Variants in CEP112 observed in about 807,000 individuals in gnomAD.
CEP112 encodes centrosomal protein of 112 kDa.
CEP112 carries 127 observed loss-of-function variants against 153.0 expected under a neutral mutation model. That is an observed-to-expected ratio of 0.83 (90% CI 0.72 to 0.96). The LOEUF is 0.96. Among genes scored for constraint, CEP112 ranks in the 40% least tolerant of loss-of-function variants. CEP112 has a pLI of 0.00. For synonymous variants in CEP112, 358 were observed against 374.4 expected, an observed-to-expected ratio of 0.96 and a Z score of 0.51; for missense variants, 1,089 against 1,101.2, an observed-to-expected ratio of 0.99 and a Z score of 0.16.
chr17:66,156,631 CT>C (rs2071452776), intron 4 of CEP112, among the ~76,000 whole-genome samples: 1 of 152,034 alleles, frequency 6.6e-6, no homozygotes, highest in Admixed American at 6.6e-5. Flanking sequence ...AGCTAAGAAT[CT>C]TGAAAAAGGT....
intron 1 of CEP112, 145 bp from the exon 2 acceptor site, chr17:66,183,452 A>C (rs1057161561): frequency 1.1e-4 from 54 of 513,348 alleles, no homozygotes; most frequent in Admixed American, 3.7e-5. Flanking sequence ...TCCCATCAAA[A>C]CCCAGCCGTA....
Position 65,826,407 on chromosome 17 carries a change from T to C in CEP112, c.2394+25397A>G, listed in dbSNP as rs367546613. ...GAAGCCAGTGAGAGCACAGCCTCCC[T>C]CCCCTGATAGAAAGGTGACTTGGGC... On this transcript the variant is annotated intron_variant, in intron 21 of 26. Coordinates refer to ENST00000535342, the MANE Select transcript of CEP112 (RefSeq NM_001199165.4). 1.1e-5 allele frequency: 18 copies of C among 1,573,982 alleles called. No individual in the cohort carries two copies. In the East Asian group the frequency reaches 2.9e-4, roughly 25 times the overall value.
At chr17:65,677,063 T>C (rs947732974) in intron 24 of CEP112, among the ~76,000 whole-genome samples, 4 of 149,432 alleles carry the variant, frequency 2.7e-5, no homozygotes, top group African/African-American at 9.9e-5. Flanking sequence ...AATAAGTTTG[T>C]CAGGGCCAAG....
chr17:65,730,882 T>C (rs1482801129), intron 23 of CEP112, among the ~76,000 whole-genome samples: 2 of 150,460 alleles, frequency 1.3e-5, no homozygotes, highest in Non-Finnish European at 2.9e-5. Context: ...GAAGCATCAA[T>C]GCTGTAAAAT....
intron 18 of CEP112, among the ~76,000 whole-genome samples, chr17:65,942,630 G>A (rs930148124): frequency 6.6e-6 from 1 of 152,174 alleles, no homozygotes; most frequent in African/African-American, 2.4e-5. Flanking sequence ...GCAAGTTCCT[G>A]CCGATAGCAA....
chr17:65,883,960 A>G (rs1401744146), intron 20 of CEP112, among the ~76,000 whole-genome samples: 1 of 152,184 alleles, frequency 6.6e-6, no homozygotes, highest in East Asian at 1.9e-4. Context: ...TTGAGCACTG[A>G]ATGTACGGTA....
chr17:65,981,741 A>AT (rs1227226582), intron 17 of CEP112, among the ~76,000 whole-genome samples: 16 of 152,024 alleles, frequency 1.1e-4, no homozygotes, highest in Admixed American at 1.0e-3. Context: ...TGCCCAGCTA[A>AT]TTTTTGTATT....
chr17:65,741,976 G>A lies in CEP112; in HGVS notation c.2607+1092C>T, dbSNP rs562008390. ...ACAGGTAGGGGAAATAAGCTTGCAG[G>A]TGGAAATACATAGGAAAAATGTCAT... On this transcript the variant is annotated intron_variant, in intron 23 of 26. Transcript: ENST00000535342. Among the ~76,000 whole-genome samples the A allele has an allele frequency of 6.9e-4, 105 of 151,154 alleles. 1 individual carries two copies. Among genetic ancestry groups the A allele is most frequent in the African/African-American group, 2.6e-3 (105 of 41,154 alleles).
chr17:66,066,656 G>T, intron 10 of CEP112, 122 bp downstream of exon 10: 1 of 602,528 alleles, frequency 1.7e-6, no homozygotes, highest in Non-Finnish European at 2.6e-6. Flanking sequence ...ATCCACTGAT[G>T]AAACCCCACA....
At chr17:66,016,404 C>T (rs1391997484) in intron 16 of CEP112, among the ~76,000 whole-genome samples, 3 of 152,110 alleles carry the variant, frequency 2.0e-5, no homozygotes, top group African/African-American at 7.2e-5. Flanking sequence ...GCTTCTATTA[C>T]GTGTCTCTAA....
intron 12 of CEP112, among the ~76,000 whole-genome samples, chr17:66,053,194 T>C (rs1456093676): frequency 2.0e-5 from 3 of 150,964 alleles, no homozygotes; most frequent in Admixed American, 6.6e-5. Flanking sequence ...TATAAAGGCT[T>C]CTGAGGGTTA....
chr17:65,841,147 A>G (rs1426643521), intron 21 of CEP112, among the ~76,000 whole-genome samples: 1 of 152,082 alleles, frequency 6.6e-6, no homozygotes, highest in Non-Finnish European at 1.5e-5. Context: ...TCCACTGCTG[A>G]ATATATATCC....
chr17:65,996,445 C>T (rs577024704), intron 17 of CEP112, among the ~76,000 whole-genome samples: 1 of 152,142 alleles, frequency 6.6e-6, no homozygotes, highest in East Asian at 1.9e-4. Context: ...TTTTCATCAG[C>T]TATCTCTTAG....
At chr17:66,086,804 G>A (rs138737256) in intron 8 of CEP112, among the ~76,000 whole-genome samples, 17 of 152,048 alleles carry the variant, frequency 1.1e-4, no homozygotes, top group South Asian at 2.1e-4. Flanking sequence ...TGATTCTATA[G>A]GTGATTTTAT....
chr17:65,733,039 T>C (rs1160845277), intron 23 of CEP112, among the ~76,000 whole-genome samples: 2 of 152,248 alleles, frequency 1.3e-5, no homozygotes, highest in African/African-American at 2.4e-5. Context: ...GCTTTCAACA[T>C]GCCTTCCTTA....
chr17:65,909,128 ATAACT>A (rs1333502549), intron 19 of CEP112, among the ~76,000 whole-genome samples: 3 of 152,248 alleles, frequency 2.0e-5, no homozygotes, highest in African/African-American at 4.8e-5. Flanking sequence ...CCCCAATAAC[ATAACT>A]TAATGTCAGG....
intron 20 of CEP112, among the ~76,000 whole-genome samples, chr17:65,858,951 A>G (rs761042579): frequency 6.6e-6 from 1 of 152,230 alleles, no homozygotes; most frequent in East Asian, 1.9e-4. Context: ...CACCCAAAAT[A>G]GTACCAATGT....
chr17:65,646,055 G>T (rs934479161), intron 24 of CEP112, among the ~76,000 whole-genome samples: 1 of 152,142 alleles, frequency 6.6e-6, no homozygotes, highest in Non-Finnish European at 1.5e-5. Flanking sequence ...CTTATGGTTG[G>T]TTTCTCTTGA....
At chr17:65,922,032 G>A (rs79629035) in intron 19 of CEP112, among the ~76,000 whole-genome samples, 1,862 of 152,182 alleles carry the variant, frequency 0.012, 43 homozygotes, top group African/African-American at 0.043. Context: ...GGGTGTAAGC[G>A]TTTTTCATGA....
Sources: allele counts gnomAD v4.1 joint callset (sites outside exome capture counted in the v4.1 genomes callset), GRCh38; gene constraint gnomAD v4.1.1; transcripts MANE v1.5; gene names NCBI Gene and HGNC (gene_info 2026-07-23, HGNC 2026-07-21).